SGCD: variants seen among roughly 807,000 people sequenced by gnomAD.
SGCD encodes delta-sarcoglycan.
Under a neutral mutation model 36.6 loss-of-function variants are expected in SGCD, and 18 were observed. The observed-to-expected ratio is 0.49, with a 90% CI of 0.34 to 0.73. The LOEUF (loss-of-function observed/expected upper bound fraction) is 0.73, where lower values mean the gene tolerates loss of function less well. Among genes scored for constraint, SGCD ranks in the 30% least tolerant of loss-of-function variants. SGCD has a pLI of 0.01. For synonymous variants in SGCD, 133 were observed against 130.6 expected, an observed-to-expected ratio of 1.02 and a Z score of -0.12; for missense variants, 387 against 346.7, an observed-to-expected ratio of 1.12 and a Z score of -0.92.
At chr5:156,575,613 C>T (rs532925647) in intron 4 of SGCD, among the ~76,000 whole-genome samples, 1 of 152,140 alleles carries the variant, frequency 6.6e-6, no homozygotes, top group African/African-American at 2.4e-5. Context: ...TGAGAGTCCA[C>T]CAGATGTGAG....
chr5:155,808,418 C>G, the SGCD span, among the ~76,000 whole-genome samples: 131,259 of 152,158 alleles, frequency 0.86, 56,731 homozygotes, highest in East Asian at 0.99. Context: ...TGTTGGCAGA[C>G]TGGGATAGGA....
At chr5:156,636,072 G>A (rs540065774) in intron 6 of SGCD, among the ~76,000 whole-genome samples, 34 of 152,004 alleles carry the variant, frequency 2.2e-4, no homozygotes, top group Non-Finnish European at 4.0e-4. Context: ...AGGACACAGG[G>A]ACTCATCAAA....
chr5:156,312,076 T>C (rs1363555529), intron 3 of SGCD, among the ~76,000 whole-genome samples: 1 of 152,202 alleles, frequency 6.6e-6, no homozygotes, highest in Non-Finnish European at 1.5e-5. Context: ...AGATACCCAG[T>C]ATCACAGGAA....
At chr5:156,300,849 C>T (rs943433080) in intron 3 of SGCD, among the ~76,000 whole-genome samples, 7 of 152,062 alleles carry the variant, frequency 4.6e-5, no homozygotes, top group African/African-American at 1.7e-4. Context: ...GAATTGATCC[C>T]TTTATCATTA....
At chr5:156,590,792 C>G (rs1760695430) in intron 5 of SGCD, among the ~76,000 whole-genome samples, 1 of 151,632 alleles carries the variant, frequency 6.6e-6, no homozygotes, top group Non-Finnish European at 1.5e-5. Flanking sequence ...TTCTGACACC[C>G]CTTTTCCCCT....
chr5:155,740,261 G>C, the SGCD span, among the ~76,000 whole-genome samples: 3 of 152,088 alleles, frequency 2.0e-5, no homozygotes, highest in Non-Finnish European at 4.4e-5. Context: ...AGCATGCCCT[G>C]CCTATTTTTA....
At chr5:156,582,866 G>T (rs1016903388) in intron 4 of SGCD, among the ~76,000 whole-genome samples, 2 of 152,088 alleles carry the variant, frequency 1.3e-5, no homozygotes, top group African/African-American at 4.8e-5. Flanking sequence ...GAGAACCACT[G>T]ATTTTTCACT....
intron 4 of SGCD, among the ~76,000 whole-genome samples, chr5:156,582,457 C>T (rs1760309258): frequency 6.6e-6 from 1 of 152,144 alleles, no homozygotes; most frequent in East Asian, 1.9e-4. Flanking sequence ...AAACATCTGC[C>T]TCTTTACACA....
At chr5:156,460,989 G>A (rs982296633) in intron 3 of SGCD, among the ~76,000 whole-genome samples, 1 of 152,160 alleles carries the variant, frequency 6.6e-6, no homozygotes, top group African/African-American at 2.4e-5. Context: ...AATATAGACA[G>A]ATATAGTAGA....
chr5:156,181,755 G>C (rs532615473), intron 3 of SGCD, among the ~76,000 whole-genome samples: 1 of 152,166 alleles, frequency 6.6e-6, no homozygotes, highest in African/African-American at 2.4e-5. Flanking sequence ...AACCATTACA[G>C]CAAGTCAATG....
At chr5:156,675,148 G>T (rs1355061783) in intron 7 of SGCD, among the ~76,000 whole-genome samples, 1 of 152,102 alleles carries the variant, frequency 6.6e-6, no homozygotes, top group Non-Finnish European at 1.5e-5. Flanking sequence ...TGTGACTCTG[G>T]CAAAATTTAA....
intron 2 of SGCD, 115 bp downstream of exon 2, chr5:156,329,694 G>A: frequency 1.1e-6 from 1 of 898,796 alleles, no homozygotes; most frequent in Admixed American, 2.5e-5. Flanking sequence ...TCCTGATGAA[G>A]ACATTTCTTT....
At chr5:155,880,762 A>T (rs889794067) in intron 1 of SGCD, among the ~76,000 whole-genome samples, 1 of 152,118 alleles carries the variant, frequency 6.6e-6, no homozygotes, top group African/African-American at 2.4e-5. Flanking sequence ...CATTCTCAAC[A>T]GGAAGTTTTA....
intron 3 of SGCD, chr5:156,393,801 A>G (rs189505711): frequency 1.1e-3 from 483 of 456,302 alleles, no homozygotes; most frequent in Non-Finnish European, 1.9e-3. Flanking sequence ...ATGTTGTGGA[A>G]TGAGCTGAGA....
intron 3 of SGCD, among the ~76,000 whole-genome samples, chr5:156,504,367 C>A (rs920670979): frequency 2.2e-5 from 3 of 139,194 alleles, no homozygotes; most frequent in African/African-American, 8.4e-5. Context: ...GTTATATGTA[C>A]ATGAGTATAT....
upstream of SGCD, among the ~76,000 whole-genome samples, chr5:155,865,627 AG>A (rs1755508564): frequency 2.6e-5 from 4 of 152,338 alleles, no homozygotes; most frequent in South Asian, 8.3e-4. Context: ...CCTATGCTTA[AG>A]GTTGTAACAT....
intron 3 of SGCD, among the ~76,000 whole-genome samples, chr5:156,365,956 C>T (rs956800070): frequency 6.6e-6 from 1 of 151,958 alleles, no homozygotes; most frequent in Non-Finnish European, 1.5e-5. Flanking sequence ...AAATATGTAC[C>T]TTCTATACAT....
At chr5:156,072,291 G>A (rs899660793) in intron 1 of SGCD, among the ~76,000 whole-genome samples, 20 of 151,960 alleles carry the variant, frequency 1.3e-4, no homozygotes, top group Admixed American at 4.6e-4. Context: ...TCCATGTTTA[G>A]TGCTTCCTTC....
intron 3 of SGCD, among the ~76,000 whole-genome samples, chr5:156,253,680 T>G (rs946835731): frequency 2.6e-5 from 4 of 152,202 alleles, no homozygotes; most frequent in Non-Finnish European, 4.4e-5. Context: ...TGTGTTCTAT[T>G]ACTCGGATTC....
Sources: gnomAD v4.1 joint callset for allele counts (sites outside exome capture counted in the v4.1 genomes callset) on GRCh38, gnomAD v4.1.1 for gene constraint, MANE v1.5 for transcripts, NCBI Gene and HGNC (gene_info 2026-07-23, HGNC 2026-07-21) for gene names.